Variants in WNT11 observed in about 807,000 individuals in gnomAD.
WNT11 encodes the protein protein Wnt-11.
Under a neutral mutation model 35.6 loss-of-function variants are expected in WNT11, and 20 were observed. The observed-to-expected ratio is 0.56, with a 90% confidence interval of 0.40 to 0.82. WNT11 has a LOEUF of 0.82. Ranked by LOEUF, WNT11 falls within the 40% of genes least tolerant of loss-of-function variation. The probability of loss-of-function intolerance (pLI) is 0.00; values close to 1 mark genes in which losing one functional copy is unlikely to be tolerated. For synonymous variants in WNT11, 200 were observed against 211.9 expected (o/e 0.94, Z 0.49); for missense variants, 459 against 504.4 (o/e 0.91, Z 0.86).
At chr11:76,196,397 C>A in intron 2 of WNT11, 86 bp downstream of exon 2, 1 of 1,447,034 alleles carries the variant, frequency 6.9e-7, no homozygotes, top group Non-Finnish European at 9.5e-7. Flanking sequence ...CCCATGAACC[C>A]ATCCCTCCAT....
chr11:76,194,816 C>A lies in WNT11; in HGVS notation c.348G>T (p.Ala116=), dbSNP rs534816573. Residue 116 remains alanine (A), a synonymous_variant, in exon 3 of 5, where the codon GCG becomes GCT. Coordinates refer to ENST00000322563, the MANE Select transcript of WNT11 (RefSeq NM_004626.3). This position sits in a 1 kb window ranked among gnomAD's most constrained non-coding sequence, Gnocchi z 5.4. The part of the protein sequence containing the change: ...RGTRESAFVY[A]LSAAAISHAI... ...CGTGGCTGATGGCGGCGGCCGACAG[C>A]GCATACACGAAGGCCGACTCCCGGG... The A allele has an allele frequency of 6.5e-7, 1 of 1,537,720 alleles. No individual in the cohort carries two copies. The highest frequency in any genetic ancestry group is 2.0e-5 in the Admixed American group (1 of 50,412).
chr11:76,196,506 T>G lies in WNT11; in HGVS notation c.296A>C (p.Asn99Thr), dbSNP rs201947483. The stretch of plus-strand genomic sequence containing the variant: ...ACCTCTCTCCAGGTCAAGCAAATAG[T>G]TGGGGGCGAGCTCAATGGAGGAGCA... ...WNCSSIELAP[N>T]YLLDLERGTR... The change falls in exon 2 of 5, where the codon AAC becomes ACC. Residue 99 changes from asparagine to threonine, a missense_variant. Asn to Thr is a moderately conservative substitution (Grantham distance 65). Transcript: ENST00000322563. 4.4e-5 allele frequency: 71 copies of G among 1,613,394 alleles called. No individual in the cohort carries two copies. The East Asian group carries it at 1.1e-3, about 26-fold the overall frequency.
chr11:76,201,212 T>A (rs1371646066), intron 1 of WNT11, among the ~76,000 whole-genome samples: 3 of 152,198 alleles, frequency 2.0e-5, no homozygotes, highest in African/African-American at 4.8e-5. Context: ...CCAGAGGCCC[T>A]GGTGGGCCCA....
intron 3 of WNT11, 45 bp from the exon 4 acceptor site, chr11:76,191,901 C>G: frequency 6.4e-7 from 1 of 1,557,462 alleles, no homozygotes; most frequent in Admixed American, 1.7e-5. Context: ...GAGTCCCCTC[C>G]CTGGCCTGAC....
chr11:76,206,587 C>A, upstream of WNT11: 1 of 1,176,516 alleles, frequency 8.5e-7, no homozygotes, highest in Non-Finnish European at 1.1e-6. Context: ...GGGGTCGGGG[C>A]CCGGGGAGGC....
intron 1 of WNT11, among the ~76,000 whole-genome samples, chr11:76,199,061 A>G (rs2134590213): frequency 6.6e-6 from 1 of 152,250 alleles, no homozygotes; most frequent in Non-Finnish European, 1.5e-5. Context: ...TGAACCCAGG[A>G]GGCAGAGGTT....
At chr11:76,199,432 G>C (rs1953339708) in intron 1 of WNT11, among the ~76,000 whole-genome samples, 1 of 151,442 alleles carries the variant, frequency 6.6e-6, no homozygotes, top group Non-Finnish European at 1.5e-5. Flanking sequence ...TGATTACACT[G>C]CTGCACTCCA....
intron 1 of WNT11, among the ~76,000 whole-genome samples, chr11:76,205,303 C>T (rs954241275): frequency 2.0e-5 from 3 of 151,734 alleles, no homozygotes; most frequent in Admixed American, 2.0e-4. Flanking sequence ...CAACCTGCCC[C>T]CTGCTGTCTT....
chr11:76,210,106 G>A (rs1173517320), upstream of WNT11, among the ~76,000 whole-genome samples: 1 of 151,636 alleles, frequency 6.6e-6, no homozygotes, highest in Non-Finnish European at 1.5e-5. Context: ...CCCCGGGGGT[G>A]GCTCGGGCAT....
intron 1 of WNT11, among the ~76,000 whole-genome samples, chr11:76,204,625 C>G (rs1253386561): frequency 6.6e-6 from 1 of 152,194 alleles, no homozygotes; most frequent in Admixed American, 6.5e-5. Context: ...ATGTCCATCT[C>G]CCCCAAGAGC....
chr11:76,189,150 G>T (rs1953141061), intron 4 of WNT11, among the ~76,000 whole-genome samples: 1 of 152,258 alleles, frequency 6.6e-6, no homozygotes, highest in Admixed American at 6.5e-5. Context: ...GCTTTGTTTA[G>T]CCACTTGGCA....
rs940362550 is a variant in WNT11, at chr11:76,187,138, C to G, written c.992G>C (p.Cys331Ser). ...GACGTAGCAGCACCAGTGGTACTTA[C>G]AGTGGCACCGCTCGACCACGCGGTC... ...YTDRVVERCH[C>S]KYHWCCYVTC... Residue 331 changes from cysteine to serine, a missense_variant, in exon 5 of 5, where the codon TGT becomes TCT. Cys to Ser is a moderately radical substitution (Grantham distance 112, BLOSUM62 -1). Transcript: ENST00000322563. 1 of 1,612,438 alleles carries G rather than the reference C, an allele frequency of 6.2e-7. No individual in the cohort carries two copies. Among genetic ancestry groups the G allele is most frequent in the Non-Finnish European group, 8.5e-7 (1 of 1,180,030 alleles).
At chr11:76,208,889 A>C (rs1378150882), upstream of WNT11, among the ~76,000 whole-genome samples, 1 of 152,124 alleles carries the variant, frequency 6.6e-6, no homozygotes, top group Non-Finnish European at 1.5e-5. Flanking sequence ...ACAGCCGCGC[A>C]GGCCACGGGG....
chr11:76,193,251 G>A (rs1953211990), intron 3 of WNT11, among the ~76,000 whole-genome samples: 1 of 152,252 alleles, frequency 6.6e-6, no homozygotes, highest in Non-Finnish European at 1.5e-5. Context: ...ACGCAGCCCT[G>A]CACCTTGCAG....
At chr11:76,203,546 G>A (rs897022279) in intron 1 of WNT11, among the ~76,000 whole-genome samples, 2 of 152,220 alleles carry the variant, frequency 1.3e-5, no homozygotes, top group Admixed American at 6.5e-5. Flanking sequence ...CTGGGACCCC[G>A]AATACTTGAG....
chr11:76,210,100 G>C (rs1953540442), upstream of WNT11, among the ~76,000 whole-genome samples: 1 of 151,364 alleles, frequency 6.6e-6, no homozygotes, highest in African/African-American at 2.4e-5. Flanking sequence ...CCCCACCCCC[G>C]GGGGTGGCTC....
Position 76,196,512 on chromosome 11 carries a change from G to A in WNT11, c.290C>T (p.Ala97Val). ...MRWNCSSIEL[A>V]PNYLLDLERG... is the part of the protein sequence containing the mutation. ...CTCCAGGTCAAGCAAATAGTTGGGG[G>A]CGAGCTCAATGGAGGAGCAGTTCCA... is the stretch of plus-strand genomic sequence containing the variant. The change falls in exon 2 of 5, where the codon GCC becomes GTC. Residue 97 changes from alanine (A) to valine (V), a missense_variant. By Grantham distance (64) the Ala-to-Val change is moderately conservative (BLOSUM62 0). Coordinates refer to ENST00000322563, the MANE Select transcript of WNT11 (RefSeq NM_004626.3). 1 of 1,613,476 alleles carries A rather than the reference G, an allele frequency of 6.2e-7. No homozygotes were observed. Among genetic ancestry groups the A allele is most frequent in the Non-Finnish European group, 8.5e-7 (1 of 1,180,046 alleles).
chr11:76,193,741 C>T (rs1295892784), intron 3 of WNT11, among the ~76,000 whole-genome samples: 3 of 152,222 alleles, frequency 2.0e-5, no homozygotes, highest in African/African-American at 4.8e-5. Context: ...TTCAGCCTCA[C>T]TTAGTGCCTC....
At position 76,206,480 on chromosome 11, in the gene WNT11, C is replaced by T. The variant is rs907711906; in HGVS notation, c.-73G>A. On this transcript the variant is annotated 5_prime_UTR_variant, in exon 1 of 5. Transcript: ENST00000322563. ...CGAAGTCCTCCGCCTGCACGGCCGC[C>T]GCTGGTCCTGCACGCCGCCTGCAGC... 5.5e-5 allele frequency: 71 copies of T among 1,301,688 alleles called. 2 individuals carry two copies. The South Asian group carries it at 1.4e-3, about 26-fold the overall frequency. The allele number at this position is 1,301,688 out of a possible 1,614,324, so 80.6% of individuals were successfully genotyped here.
Sources: allele counts gnomAD v4.1 joint callset (sites outside exome capture counted in the v4.1 genomes callset), GRCh38; gene constraint gnomAD v4.1.1; non-coding constraint Gnocchi (gnomAD v3.1); transcripts MANE v1.5; gene names NCBI Gene and HGNC (gene_info 2026-07-23, HGNC 2026-07-21).